The following LINGO2 variants were observed in gnomAD, a reference collection of about 807,000 sequenced individuals.
LINGO2 encodes the protein leucine-rich repeat and immunoglobulin-like domain-containing nogo receptor-interacting protein 2.
In LINGO2, 14 loss-of-function variants were observed where a neutral mutation model predicts 30.6. That is an observed-to-expected ratio of 0.46 (90% CI 0.30 to 0.72). The LOEUF (loss-of-function observed/expected upper bound fraction) is 0.72, where lower values mean the gene tolerates loss of function less well. LINGO2 is among the 30% of genes least tolerant of loss of function. The pLI is 0.07. For synonymous variants in LINGO2, 317 were observed against 288.5 expected, an observed-to-expected ratio of 1.10 and a Z score of -1.00; for missense variants, 729 against 751.7, an observed-to-expected ratio of 0.97 and a Z score of 0.35.
At chr9:28,289,634 C>G (rs557881833) in intron 4 of LINGO2, among the ~76,000 whole-genome samples, 40 of 152,152 alleles carry the variant, frequency 2.6e-4, no homozygotes, top group Non-Finnish European at 5.3e-4. Flanking sequence ...TTAATTTTAT[C>G]TCCCTTTTAA....
At chr9:28,691,444 T>C in the LINGO2 span, among the ~76,000 whole-genome samples, 1 of 152,148 alleles carries the variant, frequency 6.6e-6, no homozygotes, top group Non-Finnish European at 1.5e-5. Flanking sequence ...CACTGACCCT[T>C]ACTGTATTGG....
intron 1 of LINGO2, among the ~76,000 whole-genome samples, chr9:28,551,113 C>G (rs1001199358): frequency 6.6e-6 from 1 of 151,816 alleles, no homozygotes; most frequent in East Asian, 1.9e-4. Flanking sequence ...TGAGTAGCCT[C>G]TCTTCCAAAT....
the LINGO2 span, among the ~76,000 whole-genome samples, chr9:28,922,365 C>A: frequency 6.6e-6 from 1 of 150,596 alleles, no homozygotes; most frequent in South Asian, 2.1e-4. Context: ...AGTTACTCTG[C>A]AAAGAGTCAG....
chr9:28,978,203 T>C, the LINGO2 span, among the ~76,000 whole-genome samples: 1 of 152,166 alleles, frequency 6.6e-6, no homozygotes, highest in East Asian at 1.9e-4. Context: ...AAATATTGGA[T>C]GTACTGGATT....
chr9:28,121,722 G>T (rs1180688621), intron 4 of LINGO2, among the ~76,000 whole-genome samples: 1 of 152,106 alleles, frequency 6.6e-6, no homozygotes, highest in Non-Finnish European at 1.5e-5. Context: ...TGGAAAGATT[G>T]TTTTACTTAA....
At chr9:28,793,219 G>A in the LINGO2 span, among the ~76,000 whole-genome samples, 1 of 152,038 alleles carries the variant, frequency 6.6e-6, no homozygotes, top group Non-Finnish European at 1.5e-5. Context: ...AAATGACAAA[G>A]TTCACAGAAA....
intron 4 of LINGO2, among the ~76,000 whole-genome samples, chr9:28,022,774 ATTTC>A (rs897433624): frequency 1.3e-5 from 2 of 151,506 alleles, no homozygotes; most frequent in Non-Finnish European, 2.9e-5. Context: ...TATTACTTAC[ATTTC>A]TTCTGTTTTC....
intron 1 of LINGO2, among the ~76,000 whole-genome samples, chr9:28,602,619 G>T (rs1249321910): frequency 6.6e-6 from 1 of 152,050 alleles, no homozygotes; most frequent in African/African-American, 2.4e-5. Flanking sequence ...AAGAAATATA[G>T]TAAAGACATA....
the LINGO2 span, among the ~76,000 whole-genome samples, chr9:29,200,901 T>C: frequency 6.6e-6 from 1 of 152,042 alleles, no homozygotes; most frequent in Non-Finnish European, 1.5e-5. Flanking sequence ...TGTTCCTTGG[T>C]TGGGATTTGC....
intron 1 of LINGO2, among the ~76,000 whole-genome samples, chr9:28,498,881 T>C (rs748475336): frequency 6.6e-6 from 1 of 151,952 alleles, no homozygotes; most frequent in Non-Finnish European, 1.5e-5. Context: ...TAAGACTATA[T>C]AATAAAAATA....
At chr9:29,153,672 G>T in the LINGO2 span, among the ~76,000 whole-genome samples, 1 of 151,998 alleles carries the variant, frequency 6.6e-6, no homozygotes, top group Non-Finnish European at 1.5e-5. Flanking sequence ...CAAATACAAG[G>T]AAAATTATTC....
chr9:28,263,449 G>T (rs564978020), intron 4 of LINGO2, among the ~76,000 whole-genome samples: 1 of 151,934 alleles, frequency 6.6e-6, no homozygotes. Flanking sequence ...TATGCAGGAC[G>T]TGTACATGAG....
Position 28,667,211 on chromosome 9 carries a change from T to C in LINGO2, c.-365+2989A>G, listed in dbSNP as rs555484790. ...ACAGCCCACTCTGTTTATATAGAAA[T>C]TGTAATTTTCACAGTTTTTTCTCAC... is the stretch of plus-strand genomic sequence containing the variant. On this transcript the variant is annotated intron_variant, in intron 1 of 5. Coordinates refer to ENST00000379992, the Ensembl canonical transcript of LINGO2. Among the ~76,000 whole-genome samples the C allele has an allele frequency of 1.4e-4, 21 of 152,262 alleles. 1 individual carries two copies. In the South Asian group the frequency reaches 4.1e-3, roughly 30 times the overall value.
At chr9:29,125,564 CTG>C in the LINGO2 span, among the ~76,000 whole-genome samples, 1 of 152,056 alleles carries the variant, frequency 6.6e-6, no homozygotes. Flanking sequence ...ATTTGAATAT[CTG>C]TTACTGTTCA....
the LINGO2 span, among the ~76,000 whole-genome samples, chr9:29,094,816 T>C: frequency 1.4e-5 from 2 of 139,364 alleles, no homozygotes; most frequent in Admixed American, 7.3e-5. Context: ...ATGTGTCTAC[T>C]AGACATTTTT....
chr9:28,868,992 C>G, the LINGO2 span, among the ~76,000 whole-genome samples: 7 of 152,084 alleles, frequency 4.6e-5, 1 homozygote, highest in South Asian at 1.2e-3. Context: ...AATTTCCAGG[C>G]CTGCTTTTAG....
intron 2 of LINGO2, among the ~76,000 whole-genome samples, chr9:28,465,200 C>G (rs1825247165): frequency 6.6e-6 from 1 of 152,160 alleles, no homozygotes; most frequent in Non-Finnish European, 1.5e-5. Flanking sequence ...TCCTTGTCCT[C>G]TCATTCCAAG....
chr9:28,791,178 C>T, the LINGO2 span, among the ~76,000 whole-genome samples: 48 of 152,058 alleles, frequency 3.2e-4, no homozygotes, highest in Admixed American at 1.3e-3. Flanking sequence ...AGAAAGTGGG[C>T]GAGAGTAAGG....
At chr9:28,336,670 T>C (rs543571570) in intron 3 of LINGO2, among the ~76,000 whole-genome samples, 13 of 152,168 alleles carry the variant, frequency 8.5e-5, no homozygotes, top group Non-Finnish European at 1.6e-4. Flanking sequence ...GAGATTCTTC[T>C]TCCATTGAAC....
Sources: allele counts gnomAD v4.1 joint callset (sites outside exome capture counted in the v4.1 genomes callset), GRCh38; gene constraint gnomAD v4.1.1; transcripts MANE v1.5; gene names NCBI Gene and HGNC (gene_info 2026-07-23, HGNC 2026-07-21).